Variants in TIAM2 observed in about 807,000 individuals in gnomAD.
The protein encoded by TIAM2 is TIAM Rac1 associated GEF 2, also known as rho guanine nucleotide exchange factor TIAM2.
In TIAM2, 80 loss-of-function variants were observed where a neutral mutation model predicts 152.9. The observed-to-expected ratio is 0.52, with a 90% CI of 0.44 to 0.63. TIAM2 has a LOEUF of 0.63. Ranked by LOEUF, TIAM2 falls within the 30% of genes least tolerant of loss-of-function variation. TIAM2 has a pLI of 0.00. For synonymous variants in TIAM2, 804 were observed against 838.0 expected (o/e 0.96, Z 0.70); for missense variants, 1,965 against 2,120.1 (o/e 0.93, Z 1.44).
At chr6:155,220,617 C>T (rs1375082921) in intron 15 of TIAM2, among the ~76,000 whole-genome samples, 3 of 152,102 alleles carry the variant, frequency 2.0e-5, no homozygotes, top group South Asian at 2.1e-4. Flanking sequence ...GAGGCACTTT[C>T]GTCAGCACAA....
intron 2 of TIAM2, among the ~76,000 whole-genome samples, chr6:155,115,602 G>C (rs1488000642): frequency 6.6e-6 from 1 of 152,166 alleles, no homozygotes; most frequent in Non-Finnish European, 1.5e-5. Flanking sequence ...ACAGTGAGCC[G>C]TGATCACACC....
At chr6:155,049,513 G>T (rs1021819443) in intron 1 of TIAM2, among the ~76,000 whole-genome samples, 3 of 152,142 alleles carry the variant, frequency 2.0e-5, no homozygotes, top group African/African-American at 7.2e-5. Flanking sequence ...TAGTAACTGT[G>T]ACTTGGCTGG....
intron 14 of TIAM2, among the ~76,000 whole-genome samples, chr6:155,193,086 T>A (rs911991152): frequency 6.6e-6 from 1 of 152,120 alleles, no homozygotes; most frequent in Non-Finnish European, 1.5e-5. Context: ...CTTCCAAATG[T>A]GGACATTTCA....
At chr6:155,147,287 A>G (rs1469132480) in intron 6 of TIAM2, among the ~76,000 whole-genome samples, 1 of 151,444 alleles carries the variant, frequency 6.6e-6, no homozygotes, top group African/African-American at 2.4e-5. Flanking sequence ...TTCCGAAGAC[A>G]AGTATCCTTT....
At chr6:155,217,012 C>T in intron 15 of TIAM2, 1 of 1,280,852 alleles carries the variant, frequency 7.8e-7, no homozygotes, top group Non-Finnish European at 1.0e-6. Context: ...TTACACATCT[C>T]CCAACAGCCG....
At chr6:155,068,314 G>A (rs908741082) in intron 1 of TIAM2, among the ~76,000 whole-genome samples, 35 of 152,116 alleles carry the variant, frequency 2.3e-4, no homozygotes, top group Non-Finnish European at 4.7e-4. Context: ...ATCTGGGAGT[G>A]GAAATTTCTG....
At chr6:155,207,349 T>C (rs1222271007) in intron 14 of TIAM2, among the ~76,000 whole-genome samples, 1 of 152,192 alleles carries the variant, frequency 6.6e-6, no homozygotes, top group East Asian at 1.9e-4. Context: ...AATTGGAGGC[T>C]CCCAGAGCTG....
At chr6:155,073,159 C>CTTTTTTTTTTTTTTTTTTTTTTTT (rs34459359) in intron 1 of TIAM2, among the ~76,000 whole-genome samples, 1 of 105,344 alleles carries the variant, frequency 9.5e-6, no homozygotes, top group Non-Finnish European at 1.8e-5. Context: ...TGATTAAGTT[C>CTTTTTTTTTTTTTTTTTTTTTTTT]TTTTTTTTTT....
At chr6:155,124,502 A>T (rs1248642808) in intron 2 of TIAM2, among the ~76,000 whole-genome samples, 1 of 151,476 alleles carries the variant, frequency 6.6e-6, no homozygotes, top group Non-Finnish European at 1.5e-5. Context: ...GGCTAATTTT[A>T]TAGTTTTAGT....
chr6:155,068,507 C>T (rs1163114877), intron 1 of TIAM2, among the ~76,000 whole-genome samples: 2 of 151,646 alleles, frequency 1.3e-5, no homozygotes, highest in Non-Finnish European at 2.9e-5. Context: ...ACGATCTTGT[C>T]CCACTGCAAC....
intron 2 of TIAM2, among the ~76,000 whole-genome samples, chr6:155,099,251 TGTG>T (rs753183650): frequency 6.6e-6 from 1 of 151,464 alleles, no homozygotes. Context: ...TGTGTGTGTG[TGTG>T]TGTGTGTAAT....
Position 155,144,723 on chromosome 6 carries a change from A to T in TIAM2, c.1748A>T (p.Lys583Met). Residue 583 changes from lysine to methionine, a missense_variant, in exon 6 of 27, where the codon AAG becomes ATG. Physicochemically the swap from Lys to Met is moderately conservative, Grantham distance 95 (BLOSUM62 -1). Around this residue, in one of 3 missense-constraint regions of TIAM2, gnomAD observed 1,025 missense variants for 1,119.4 expected, o/e 0.92. Coordinates refer to ENST00000682666, the MANE Select transcript of TIAM2 (RefSeq NM_012454.4). ...GTGCAGTCTGTTCCAGAGCATCCCAAGAAAGAAAATGTGTTCTGCCTCAGC... is the reference window on the plus strand; with the variant it reads ...GTGCAGTCTGTTCCAGAGCATCCCATGAAAGAAAATGTGTTCTGCCTCAGC... Reference protein sequence around the residue: ...SIVQSVPEHPKKENVFCLSNS... With the variant: ...SIVQSVPEHPMKENVFCLSNS... The T allele has an allele frequency of 6.2e-7, 1 of 1,610,896 alleles. No homozygotes were observed. The highest frequency in any genetic ancestry group is 2.2e-5 in the East Asian group (1 of 44,692).
At position 155,002,673 on chromosome 6, in the gene TIAM2, T is replaced by TTTTATTTATTTATTTA. The variant is rs140724297; in HGVS notation, c.-209+7189_-209+7204dup. 4.9e-3 allele frequency among the ~76,000 whole-genome samples: 743 copies of TTTTATTTATTTATTTA among 150,256 alleles called. 12 individuals carry two copies. Among genetic ancestry groups the TTTTATTTATTTATTTA allele is most frequent in the South Asian group, 0.048 (223 of 4,672 alleles). On this transcript the variant is annotated intron_variant, in intron 1 of 26. Transcript: ENST00000682666. Reference sequence around the variant, plus strand: ...CATCACACAGGGAGTGCTTTGCTTGTTTTATTTATTTATTTATTTATTTTT... The same window carrying TTTTATTTATTTATTTA: ...CATCACACAGGGAGTGCTTTGCTTGTTTTATTTATTTATTTATTTATTTATTTATTTATTTATTTTT...
At chr6:155,237,331 A>T (rs1220409372) in intron 15 of TIAM2, among the ~76,000 whole-genome samples, 1 of 152,240 alleles carries the variant, frequency 6.6e-6, no homozygotes, top group African/African-American at 2.4e-5. Flanking sequence ...CTGTGGCTTT[A>T]AAGGATATAG....
chr6:155,016,676 A>G (rs1188311738), intron 1 of TIAM2, among the ~76,000 whole-genome samples: 2 of 151,442 alleles, frequency 1.3e-5, no homozygotes, highest in East Asian at 1.9e-4. Flanking sequence ...AGGCGGGTGG[A>G]TTGCTTGAGG....
At chr6:155,041,158 G>GTTT (rs1777020023) in intron 1 of TIAM2, among the ~76,000 whole-genome samples, 1 of 152,146 alleles carries the variant, frequency 6.6e-6, no homozygotes, top group African/African-American at 2.4e-5. Flanking sequence ...TAAATTAAAG[G>GTTT]TGAAAAACAA....
chr6:155,033,762 G>A (rs1215594490), intron 1 of TIAM2, among the ~76,000 whole-genome samples: 2 of 151,164 alleles, frequency 1.3e-5, no homozygotes, highest in East Asian at 3.9e-4. Context: ...TGTCACCCAG[G>A]CTTGAGTGCA....
chr6:155,161,068 C>T (rs1780256434), intron 7 of TIAM2, among the ~76,000 whole-genome samples: 1 of 152,162 alleles, frequency 6.6e-6, no homozygotes, highest in South Asian at 2.1e-4. Context: ...CCATGTTCTC[C>T]CTCTGAATTC....
Position 155,183,507 on chromosome 6 carries a change from C to G in TIAM2, c.3064+7C>G, listed in dbSNP as rs1270186876. The G allele has an allele frequency of 6.2e-7, 1 of 1,601,832 alleles. No homozygotes were observed. The highest frequency in any genetic ancestry group is 2.2e-5 in the East Asian group (1 of 44,708). On this transcript the variant is annotated splice_region_variant and intron_variant, in intron 14 of 26. Transcript: ENST00000682666. ...AAAAAGAATACAGCCAATGGTAAGG[C>G]TTTGTTCTGTCTTCCTTCTTAACTG... is the stretch of plus-strand genomic sequence containing the variant.
Sources: allele counts gnomAD v4.1 joint callset (sites outside exome capture counted in the v4.1 genomes callset), GRCh38; gene constraint gnomAD v4.1.1; regional missense constraint gnomAD v4.1.1; transcripts MANE v1.5; gene names NCBI Gene and HGNC (gene_info 2026-07-23, HGNC 2026-07-21).